Variants in PLEKHG1 observed in about 807,000 individuals in gnomAD.
PLEKHG1 encodes the protein pleckstrin homology domain-containing family G member 1.
A neutral mutation model predicts 100.8 loss-of-function variants in PLEKHG1; 44 were observed. The ratio of observed to expected loss-of-function variants is 0.44; its 90% CI spans 0.34 to 0.56. The LOEUF (loss-of-function observed/expected upper bound fraction) is 0.56. Among genes scored for constraint, PLEKHG1 ranks in the 20% least tolerant of loss-of-function variants. The probability of loss-of-function intolerance (pLI) is 0.01; values close to 1 mark genes in which losing one functional copy is unlikely to be tolerated. For missense variants in PLEKHG1, 1,545 were observed against 1,720.9 expected (o/e 0.90, Z 1.81); for synonymous variants, 640 against 662.5 (o/e 0.97, Z 0.52).
At chr6:150,710,901 A>C (rs1236909653) in intron 3 of PLEKHG1, among the ~76,000 whole-genome samples, 2 of 151,996 alleles carry the variant, frequency 1.3e-5, no homozygotes, top group East Asian at 1.9e-4. Context: ...GGTCCCCTTT[A>C]CACGTTTCCA....
chr6:150,830,965 C>T (rs773879543), exon 15 of PLEKHG1: 1 of 1,613,820 alleles, frequency 6.2e-7, no homozygotes, highest in Non-Finnish European at 8.5e-7. Flanking sequence ...GCAACACATG[C>T]CCTCCTGAAA....
At chr6:150,699,541 C>G (rs1780682829) in intron 3 of PLEKHG1, among the ~76,000 whole-genome samples, 1 of 152,190 alleles carries the variant, frequency 6.6e-6, no homozygotes, top group Admixed American at 6.5e-5. Flanking sequence ...CCTATATGCC[C>G]AGGTAGGTGG....
intron 2 of PLEKHG1, among the ~76,000 whole-genome samples, chr6:150,752,493 C>A (rs778270749): frequency 3.3e-5 from 5 of 152,178 alleles, no homozygotes; most frequent in Non-Finnish European, 5.9e-5. Flanking sequence ...CTTTCTGTCT[C>A]TCTGAATTTG....
At chr6:150,658,053 C>G (rs937728049) in intron 3 of PLEKHG1, among the ~76,000 whole-genome samples, 5 of 152,206 alleles carry the variant, frequency 3.3e-5, no homozygotes, top group Non-Finnish European at 5.9e-5. Context: ...AGCCTACATT[C>G]ATGTTGACTG....
At chr6:150,723,884 C>T (rs1243570094) in intron 1 of PLEKHG1, among the ~76,000 whole-genome samples, 1 of 152,204 alleles carries the variant, frequency 6.6e-6, no homozygotes, top group Non-Finnish European at 1.5e-5. Flanking sequence ...AAATTGTACT[C>T]AGACATGACA....
intron 1 of PLEKHG1, among the ~76,000 whole-genome samples, chr6:150,610,019 C>G (rs1776755953): frequency 6.6e-6 from 1 of 152,188 alleles, no homozygotes; most frequent in African/African-American, 2.4e-5. Flanking sequence ...GGGTGAACTC[C>G]CCTCACCACA....
At chr6:150,794,475 G>A (rs1202023817) in intron 4 of PLEKHG1, among the ~76,000 whole-genome samples, 1 of 152,174 alleles carries the variant, frequency 6.6e-6, no homozygotes, top group Non-Finnish European at 1.5e-5. Context: ...AGACCAGCCT[G>A]ACCAACATGG....
chr6:150,814,947 C>A (rs756165426), intron 10 of PLEKHG1, among the ~76,000 whole-genome samples: 1 of 152,094 alleles, frequency 6.6e-6, no homozygotes, highest in South Asian at 2.1e-4. Context: ...CTCGAACTCC[C>A]GGCCTCAAGT....
upstream of PLEKHG1, among the ~76,000 whole-genome samples, chr6:150,720,621 C>A (rs1292957033): frequency 6.6e-6 from 1 of 152,102 alleles, no homozygotes; most frequent in African/African-American, 2.4e-5. Flanking sequence ...ACCCCACCCC[C>A]ACCCCAACCT....
chr6:150,754,986 G>GT (rs1562489704), intron 2 of PLEKHG1, among the ~76,000 whole-genome samples: 1 of 144,880 alleles, frequency 6.9e-6, no homozygotes, highest in East Asian at 2.1e-4. Flanking sequence ...AGGACTTTTT[G>GT]TTTTTTTGAG....
At chr6:150,717,208 T>A (rs1781477301), upstream of PLEKHG1, among the ~76,000 whole-genome samples, 1 of 144,594 alleles carries the variant, frequency 6.9e-6, no homozygotes, top group Admixed American at 6.9e-5. Flanking sequence ...ATTTTTGTAT[T>A]TTTTTTTTTT....
At chr6:150,653,316 TG>T (rs1778823704) in intron 3 of PLEKHG1, among the ~76,000 whole-genome samples, 1 of 152,086 alleles carries the variant, frequency 6.6e-6, no homozygotes, top group Non-Finnish European at 1.5e-5. Context: ...TATTTTTTCC[TG>T]GAGGAAGAGG....
chr6:150,626,537 C>T (rs761515824), intron 1 of PLEKHG1, among the ~76,000 whole-genome samples: 10 of 152,142 alleles, frequency 6.6e-5, no homozygotes, highest in Admixed American at 1.3e-4. Context: ...GGTAAATCTC[C>T]GGCCTGCTGC....
intron 15 of PLEKHG1, among the ~76,000 whole-genome samples, chr6:150,836,917 T>C (rs1343122389): frequency 6.6e-6 from 1 of 151,838 alleles, no homozygotes; most frequent in African/African-American, 2.4e-5. Context: ...ATCCCAGCAC[T>C]TAGGGAGGCT....
At chr6:150,695,809 T>A (rs1174277298) in intron 3 of PLEKHG1, among the ~76,000 whole-genome samples, 1 of 152,208 alleles carries the variant, frequency 6.6e-6, no homozygotes, top group Non-Finnish European at 1.5e-5. Flanking sequence ...ATGAGCTGTA[T>A]TTCTGGTTGC....
intron 5 of PLEKHG1, 26 bp from the exon 7 acceptor site, chr6:150,800,693 G>T (rs1453871740): frequency 6.2e-7 from 1 of 1,606,156 alleles, no homozygotes; most frequent in Non-Finnish European, 8.5e-7. Context: ...TTACAATTTA[G>T]ATAAAAACAT....
At chr6:150,752,880 G>A (rs1306105860) in intron 2 of PLEKHG1, among the ~76,000 whole-genome samples, 2 of 152,122 alleles carry the variant, frequency 1.3e-5, no homozygotes, top group East Asian at 3.9e-4. Flanking sequence ...GGGAGGCCGA[G>A]GCAGGCAGAT....
chr6:150,679,538 G>C (rs575311881), intron 3 of PLEKHG1, among the ~76,000 whole-genome samples: 53 of 152,276 alleles, frequency 3.5e-4, no homozygotes, highest in Non-Finnish European at 6.8e-4. Flanking sequence ...CTAATTATAA[G>C]CAATAGCATA....
chr6:150,729,156 A>G (rs1010606018), intron 1 of PLEKHG1, among the ~76,000 whole-genome samples: 7 of 152,156 alleles, frequency 4.6e-5, no homozygotes, highest in African/African-American at 1.7e-4. Flanking sequence ...CAGTGGCACA[A>G]TCATGGCTTA....
Sources: allele counts gnomAD v4.1 joint callset (sites outside exome capture counted in the v4.1 genomes callset), GRCh38; gene constraint gnomAD v4.1.1; transcripts MANE v1.5; gene names NCBI Gene and HGNC (gene_info 2026-07-23, HGNC 2026-07-21).